The following MCTP2 variants were observed in gnomAD, a reference collection of about 807,000 sequenced individuals.
MCTP2 encodes the protein multiple C2 and transmembrane domain containing 2, also known as multiple C2 and transmembrane domain-containing protein 2.
Under a neutral mutation model 111.6 loss-of-function variants are expected in MCTP2, and 132 were observed. The ratio of observed to expected loss-of-function variants is 1.18; its 90% CI spans 1.03 to 1.37. The LOEUF (loss-of-function observed/expected upper bound fraction) is 1.37. Among genes scored for constraint, MCTP2 ranks in the 40% most tolerant of loss-of-function variants. The pLI, the probability that MCTP2 is intolerant of heterozygous loss-of-function variation, is 0.00. For synonymous variants in MCTP2, 395 were observed against 387.7 expected, an observed-to-expected ratio of 1.02 and a Z score of -0.22; for missense variants, 1,183 against 1,067.9, an observed-to-expected ratio of 1.11 and a Z score of -1.50.
intron 17 of MCTP2, among the ~76,000 whole-genome samples, chr15:94,419,467 A>AGGGAAGGAAAGGGAGG (rs2082523631): frequency 6.6e-6 from 1 of 152,094 alleles, no homozygotes; most frequent in Non-Finnish European, 1.5e-5. Context: ...GGAAAGGGAG[A>AGGGAAGGAAAGGGAGG]GTCAGGGCAG....
chr15:94,426,171 AG>A (rs2082882839), intron 17 of MCTP2, among the ~76,000 whole-genome samples: 2 of 142,762 alleles, frequency 1.4e-5, no homozygotes, highest in East Asian at 2.0e-4. Flanking sequence ...AGAGAGAGAG[AG>A]AATGTGTGTG....
At chr15:94,457,995 A>T in intron 19 of MCTP2, 142 bp from the exon 20 acceptor site, 1 of 565,684 alleles carries the variant, frequency 1.8e-6, no homozygotes. Flanking sequence ...GGGAGTCAAT[A>T]TTTAAGTTGT....
chr15:94,280,665 T>G (rs111333055), intron 1 of MCTP2, among the ~76,000 whole-genome samples: 5 of 152,168 alleles, frequency 3.3e-5, no homozygotes, highest in African/African-American at 1.2e-4. Flanking sequence ...ATTTTTCCAG[T>G]TCCTCTAAGT....
At chr15:94,329,970 C>T (rs1036619678) in intron 4 of MCTP2, among the ~76,000 whole-genome samples, 13 of 152,156 alleles carry the variant, frequency 8.5e-5, no homozygotes, top group Non-Finnish European at 1.0e-4. Flanking sequence ...TCTTTGCTCC[C>T]CTTCACTTGG....
Position 94,425,029 on chromosome 15 carries a change from A to C in MCTP2, c.2086-15147A>C, listed in dbSNP as rs116487052. 6.3e-3 allele frequency among the ~76,000 whole-genome samples: 955 copies of C among 151,754 alleles called. 6 individuals are homozygous for C. The highest frequency in any genetic ancestry group is 0.022 in the African/African-American group (900 of 41,394). On this transcript the variant is annotated intron_variant, in intron 17 of 22. Transcript: ENST00000357742. ...TAATCTTTAATATCAAAATTACCCA[A>C]TTTTTCCTGTGGTTGGTGCATTTTG...
In MCTP2 at chr15:94,268,347, ATTT is replaced by A. The variant is rs59728541; in HGVS notation, c.-65-29841_-65-29839del. On this transcript the variant is annotated intron_variant, in intron 1 of 22. Coordinates refer to ENST00000357742, the MANE Select transcript of MCTP2 (RefSeq NM_001385001.1). ...AGGCGCCTACCACCATACCTGGCTAATTTTTTTTTTTTTTTGTATTTTTAGTAG... is the reference window on the plus strand; with the variant it reads ...AGGCGCCTACCACCATACCTGGCTAATTTTTTTTTTTTGTATTTTTAGTAG... Among the ~76,000 whole-genome samples the A allele has an allele frequency of 6.9e-3, 997 of 144,108 alleles. 4 individuals carry two copies. Among genetic ancestry groups the A allele is most frequent in the African/African-American group, 0.017 (654 of 39,036 alleles). 94.5% of individuals were successfully genotyped at this position (144,108 alleles called of 152,430 possible). A position where few individuals can be genotyped will look rare whatever the true frequency, so the allele number is the denominator to read the frequency against.
chr15:94,385,360 A>G (rs72647776), intron 13 of MCTP2, 63 bp from the exon 14 acceptor site: 25,273 of 1,094,904 alleles, frequency 0.023, 424 homozygotes, highest in African/African-American at 0.065. Context: ...GTGTTTCCAG[A>G]TCTTCATGGA....
chr15:94,470,772 A>G (rs998170472), intron 21 of MCTP2, among the ~76,000 whole-genome samples: 3 of 122,526 alleles, frequency 2.4e-5, no homozygotes, highest in Admixed American at 8.7e-5. Context: ...CACTGTTCAA[A>G]CAGTGAGCAA....
chr15:94,266,080 G>GCACA (rs58424468), intron 1 of MCTP2, among the ~76,000 whole-genome samples: 72,928 of 151,526 alleles, frequency 0.48, 17,659 homozygotes, highest in South Asian at 0.55. Flanking sequence ...GCGTGTGCGC[G>GCACA]CACACACACA....
intron 20 of MCTP2, among the ~76,000 whole-genome samples, chr15:94,459,917 T>C (rs1233387158): frequency 6.6e-6 from 1 of 152,160 alleles, no homozygotes; most frequent in Non-Finnish European, 1.5e-5. Context: ...ATTACATCAT[T>C]CAAACCACCC....
At chr15:94,363,296 C>T (rs1596476497) in intron 10 of MCTP2, among the ~76,000 whole-genome samples, 1 of 152,078 alleles carries the variant, frequency 6.6e-6, no homozygotes, top group African/African-American at 2.4e-5. Context: ...TGATGAGCCT[C>T]GGGCTACTAC....
At chr15:94,370,280 T>G (rs1440774110) in intron 12 of MCTP2, 100 bp downstream of exon 12, 1 of 875,108 alleles carries the variant, frequency 1.1e-6, no homozygotes, top group Non-Finnish European at 1.7e-6. Context: ...AGTATGACTA[T>G]AACAGTCATG....
At chr15:94,460,436 C>T (rs545969696) in intron 20 of MCTP2, among the ~76,000 whole-genome samples, 1 of 152,192 alleles carries the variant, frequency 6.6e-6, no homozygotes, top group East Asian at 1.9e-4. Context: ...AGAGATGAGG[C>T]ATGTCATGCA....
chr15:94,280,213 T>G (rs778523209), intron 1 of MCTP2, among the ~76,000 whole-genome samples: 21 of 152,176 alleles, frequency 1.4e-4, no homozygotes, highest in Non-Finnish European at 3.1e-4. Context: ...TGTAAGTTTT[T>G]CTATTCCAGG....
intron 21 of MCTP2, among the ~76,000 whole-genome samples, chr15:94,472,591 G>A (rs1033791945): frequency 6.6e-6 from 1 of 152,102 alleles, no homozygotes. Flanking sequence ...TTATTAAATG[G>A]TATGGAGTTT....
At chr15:94,364,703 A>C (rs2079100296) in intron 10 of MCTP2, among the ~76,000 whole-genome samples, 1 of 152,100 alleles carries the variant, frequency 6.6e-6, no homozygotes, top group South Asian at 2.1e-4. Context: ...TTGCAATTTG[A>C]GGGAAAAAAG....
intron 14 of MCTP2, among the ~76,000 whole-genome samples, chr15:94,387,128 T>C (rs972554992): frequency 6.6e-6 from 1 of 151,806 alleles, no homozygotes; most frequent in Admixed American, 6.6e-5. Flanking sequence ...TCCTCCTTCC[T>C]CCTTCCTCCT....
chr15:94,467,237 T>C (rs2073429258), intron 20 of MCTP2, among the ~76,000 whole-genome samples: 1 of 152,142 alleles, frequency 6.6e-6, no homozygotes, highest in African/African-American at 2.4e-5. Context: ...CATTATAGGC[T>C]ACAAAGTTAA....
intron 8 of MCTP2, among the ~76,000 whole-genome samples, chr15:94,355,630 T>A (rs920790271): frequency 2.6e-5 from 4 of 152,038 alleles, no homozygotes; most frequent in African/African-American, 9.7e-5. Context: ...CTATTTGGAC[T>A]AGTGAATCTT....
Sources: gnomAD v4.1 joint callset for allele counts (sites outside exome capture counted in the v4.1 genomes callset) on GRCh38, gnomAD v4.1.1 for gene constraint, MANE v1.5 for transcripts, NCBI Gene and HGNC (gene_info 2026-07-23, HGNC 2026-07-21) for gene names.